The following BTLA variants were observed in gnomAD, a reference collection of about 807,000 sequenced individuals.
BTLA encodes the protein B- and T-lymphocyte attenuator.
Under a neutral mutation model 25.0 loss-of-function variants are expected in BTLA, and 11 were observed. The ratio of observed to expected loss-of-function variants is 0.44; its 90% CI spans 0.28 to 0.73. The LOEUF is 0.73. Among genes scored for constraint, BTLA ranks in the 30% least tolerant of loss-of-function variants. The probability of loss-of-function intolerance (pLI) is 0.15; values close to 1 mark genes in which losing one functional copy is unlikely to be tolerated. For missense variants in BTLA, 282 were observed against 332.8 expected (o/e 0.85, Z 1.19); for synonymous variants, 104 against 119.8 (o/e 0.87, Z 0.86).
intron 2 of BTLA, among the ~76,000 whole-genome samples, chr3:112,477,836 A>G (rs1057381825): frequency 6.6e-6 from 1 of 152,002 alleles, no homozygotes; most frequent in Non-Finnish European, 1.5e-5. Context: ...TAATTCTTTT[A>G]CATATGAATA....
rs59090018 is a variant in BTLA at position 112,488,787 on chromosome 3, T to C, written c.89-9018A>G. 8.6e-3 allele frequency among the ~76,000 whole-genome samples: 1,300 copies of C among 152,008 alleles called. 14 individuals are homozygous for C. The highest frequency in any genetic ancestry group is 0.03 in the African/African-American group (1,228 of 41,434). On this transcript the variant is annotated intron_variant, in intron 1 of 4. Transcript: ENST00000334529. ...TGCCACTGCGCCCGGGGAATTTTTA[T>C]ATTTTTAGTAGAGATGGGGATTCAC...
At chr3:112,476,387 G>T (rs1417592804) in intron 2 of BTLA, among the ~76,000 whole-genome samples, 4 of 152,134 alleles carry the variant, frequency 2.6e-5, no homozygotes, top group Non-Finnish European at 5.9e-5. Flanking sequence ...CCTTCACTGG[G>T]CTACTTTAAG....
intron 1 of BTLA, among the ~76,000 whole-genome samples, chr3:112,492,520 T>C (rs1347645267): frequency 1.3e-5 from 2 of 152,222 alleles, no homozygotes; most frequent in Non-Finnish European, 2.9e-5. Flanking sequence ...TTACTTGTGA[T>C]GTTCAGATTA....
intron 1 of BTLA, among the ~76,000 whole-genome samples, chr3:112,484,047 A>G (rs988075268): frequency 1.3e-5 from 2 of 152,066 alleles, no homozygotes; most frequent in Non-Finnish European, 2.9e-5. Context: ...CTTCATGGAA[A>G]GGCTATACTT....
chr3:112,494,464 T>C (rs535028941), intron 1 of BTLA, among the ~76,000 whole-genome samples: 2 of 152,328 alleles, frequency 1.3e-5, no homozygotes, highest in African/African-American at 2.4e-5. Context: ...CGTATGTTTA[T>C]TGCAGCACTA....
chr3:112,468,603 A>G (rs989736595), intron 4 of BTLA, among the ~76,000 whole-genome samples: 2 of 152,264 alleles, frequency 1.3e-5, no homozygotes, highest in African/African-American at 4.8e-5. Flanking sequence ...CAGGAAGAAC[A>G]ATGTCCACAG....
intron 2 of BTLA, among the ~76,000 whole-genome samples, chr3:112,475,960 A>C (rs1200738521): frequency 6.6e-6 from 1 of 152,184 alleles, no homozygotes; most frequent in Non-Finnish European, 1.5e-5. Flanking sequence ...TTAATAATGC[A>C]ATTCTTTCCA....
At chr3:112,485,923 T>C (rs1188570795) in intron 1 of BTLA, among the ~76,000 whole-genome samples, 1 of 152,154 alleles carries the variant, frequency 6.6e-6, no homozygotes, top group African/African-American at 2.4e-5. Flanking sequence ...CCATCCCGGC[T>C]AACACGGTGA....
chr3:112,495,422 GATAA>G (rs949446769), intron 1 of BTLA, among the ~76,000 whole-genome samples: 1 of 152,220 alleles, frequency 6.6e-6, no homozygotes, highest in African/African-American at 2.4e-5. Flanking sequence ...AATGAGGCAA[GATAA>G]ATAGTTTTGA....
chr3:112,481,886 C>T (rs1354388997), intron 1 of BTLA, among the ~76,000 whole-genome samples: 1 of 152,220 alleles, frequency 6.6e-6, no homozygotes, highest in African/African-American at 2.4e-5. Flanking sequence ...CACACAGCAG[C>T]CTAAATGCTT....
At chr3:112,468,928 G>A (rs964088370) in intron 4 of BTLA, among the ~76,000 whole-genome samples, 6 of 152,036 alleles carry the variant, frequency 3.9e-5, no homozygotes, top group South Asian at 2.1e-4. Flanking sequence ...TGGCTGTATC[G>A]ATTTTGTCTT....
At chr3:112,486,168 C>T (rs2082346651) in intron 1 of BTLA, among the ~76,000 whole-genome samples, 1 of 152,096 alleles carries the variant, frequency 6.6e-6, no homozygotes, top group African/African-American at 2.4e-5. Context: ...CCCCCAGGCT[C>T]TTATATAATG....
At chr3:112,496,982 C>T (rs2082412752) in intron 1 of BTLA, among the ~76,000 whole-genome samples, 1 of 152,226 alleles carries the variant, frequency 6.6e-6, no homozygotes, top group Admixed American at 6.5e-5. Context: ...CCCGTCTTGG[C>T]TTCCCAAAGT....
intron 1 of BTLA, among the ~76,000 whole-genome samples, chr3:112,494,939 T>C (rs1215928853): frequency 1.3e-5 from 2 of 152,350 alleles, no homozygotes; most frequent in Admixed American, 1.3e-4. Context: ...TAGAAGACTT[T>C]TGTGAACTCC....
intron 1 of BTLA, among the ~76,000 whole-genome samples, chr3:112,494,569 C>T (rs997775419): frequency 1.3e-5 from 2 of 152,126 alleles, no homozygotes; most frequent in African/African-American, 4.8e-5. Flanking sequence ...GAATACTATG[C>T]AGCCATAAAA....
chr3:112,482,087 AT>A (rs1273494395), intron 1 of BTLA, among the ~76,000 whole-genome samples: 1 of 152,076 alleles, frequency 6.6e-6, no homozygotes, highest in Non-Finnish European at 1.5e-5. Context: ...GTTGATTTGT[AT>A]TTTTTTATTT....
chr3:112,468,854 G>A (rs1031541971), intron 4 of BTLA, among the ~76,000 whole-genome samples: 6 of 152,110 alleles, frequency 3.9e-5, no homozygotes. Context: ...TATTTGGTCT[G>A]GTTTAAAATT....
chr3:112,488,941 G>T (rs1413967032), intron 1 of BTLA, among the ~76,000 whole-genome samples: 1 of 152,052 alleles, frequency 6.6e-6, no homozygotes, highest in Non-Finnish European at 1.5e-5. Flanking sequence ...AACTACATAT[G>T]TGTTCATGTT....
rs1576697779 is a variant in BTLA, at chr3:112,499,433, G to T, written c.-75C>A. ...TTCGTCTTCTGAGTGCTGCAGAGTTGGGTCAGTTTACCTACCCCAGTGGCA... is the reference window on the plus strand; with the variant it reads ...TTCGTCTTCTGAGTGCTGCAGAGTTTGGTCAGTTTACCTACCCCAGTGGCA... On this transcript the variant is annotated 5_prime_UTR_variant, in exon 1 of 5. Transcript: ENST00000334529. 4.7e-6 allele frequency: 6 copies of T among 1,288,254 alleles called. No homozygotes were observed. The highest frequency in any genetic ancestry group is 4.3e-6 in the Non-Finnish European group (4 of 926,910). The allele number at this position is 1,288,254 out of a possible 1,614,324, so 79.8% of individuals were successfully genotyped here. A position where few individuals can be genotyped will look rare whatever the true frequency, so the allele number is the denominator to read the frequency against.
Sources: allele counts gnomAD v4.1 joint callset (sites outside exome capture counted in the v4.1 genomes callset), GRCh38; gene constraint gnomAD v4.1.1; transcripts MANE v1.5; gene names NCBI Gene and HGNC (gene_info 2026-07-23, HGNC 2026-07-21).